The following PRDM5 variants were observed in gnomAD, a reference collection of about 807,000 sequenced individuals.
PRDM5 encodes PR domain zinc finger protein 5.
Under a neutral mutation model 81.2 loss-of-function variants are expected in PRDM5, and 56 were observed. The ratio of observed to expected loss-of-function variants is 0.69; its 90% confidence interval spans 0.56 to 0.86. PRDM5 has a LOEUF of 0.86. PRDM5 is among the 40% of genes least tolerant of loss of function. PRDM5 has a pLI of 0.00. For missense variants in PRDM5, 697 were observed against 770.1 expected (o/e 0.91, Z 1.12); for synonymous variants, 267 against 256.4 (o/e 1.04, Z -0.39).
At chr4:120,882,706 CTG>C (rs1326739772) in intron 2 of PRDM5, among the ~76,000 whole-genome samples, 2 of 152,126 alleles carry the variant, frequency 1.3e-5, no homozygotes, top group African/African-American at 2.4e-5. Flanking sequence ...ATCATGTTGT[CTG>C]TATGAAATAT....
At chr4:120,848,203 A>C (rs1026873459) in intron 3 of PRDM5, among the ~76,000 whole-genome samples, 1 of 152,190 alleles carries the variant, frequency 6.6e-6, no homozygotes, top group Non-Finnish European at 1.5e-5. Context: ...GAACATAAAA[A>C]AATCAAGGGA....
intron 2 of PRDM5, among the ~76,000 whole-genome samples, chr4:120,881,295 T>C (rs1017836543): frequency 1.3e-5 from 2 of 152,182 alleles, no homozygotes; most frequent in African/African-American, 2.4e-5. Flanking sequence ...AAAACTCTTC[T>C]GCAACTCAAT....
At chr4:120,733,959 A>T (rs1740662674) in intron 14 of PRDM5, among the ~76,000 whole-genome samples, 1 of 151,792 alleles carries the variant, frequency 6.6e-6, no homozygotes, top group Non-Finnish European at 1.5e-5. Context: ...TGCCGATGGC[A>T]GAGGTGGCAG....
downstream of PRDM5, among the ~76,000 whole-genome samples, chr4:120,690,353 C>T (rs1733993153): frequency 1.3e-5 from 2 of 151,990 alleles, no homozygotes; most frequent in South Asian, 4.1e-4. Flanking sequence ...TGAGAAGGGC[C>T]TCCAATACAA....
intron 14 of PRDM5, among the ~76,000 whole-genome samples, chr4:120,753,202 G>A (rs1279531124): frequency 6.6e-6 from 1 of 152,110 alleles, no homozygotes; most frequent in Non-Finnish European, 1.5e-5. Flanking sequence ...TGATACATCT[G>A]TGACAACTGC....
intron 2 of PRDM5, among the ~76,000 whole-genome samples, chr4:120,900,412 G>A (rs773816742): frequency 4.0e-4 from 61 of 152,278 alleles, no homozygotes; most frequent in Non-Finnish European, 5.7e-4. Context: ...TAAATGTCAA[G>A]GAAGTAGATG....
intron 8 of PRDM5, among the ~76,000 whole-genome samples, chr4:120,805,374 G>A (rs1349763473): frequency 6.6e-6 from 1 of 152,078 alleles, no homozygotes; most frequent in African/African-American, 2.4e-5. Flanking sequence ...ATCCTGATAC[G>A]AAAGCCTGGC....
rs182206601 is a variant in PRDM5 at position 120,754,086 on chromosome 4, A to G, written c.1623+467T>C. On this transcript the variant is annotated intron_variant, in intron 14 of 15. Transcript: ENST00000264808. ...ACTAGGCATGCCCTGTGAAGCACTG[A>G]GCTACACTTCCTTATTTTCCACCTG... Among the ~76,000 whole-genome samples the G allele has an allele frequency of 3.7e-3, 563 of 152,290 alleles. 2 individuals carry two copies. Among genetic ancestry groups the G allele is most frequent in the Non-Finnish European group, 5.8e-3 (397 of 68,016 alleles).
At chr4:120,809,226 C>T (rs1404850090) in intron 8 of PRDM5, among the ~76,000 whole-genome samples, 1 of 147,626 alleles carries the variant, frequency 6.8e-6, no homozygotes, top group East Asian at 2.0e-4. Flanking sequence ...GGGAACATCA[C>T]ACACCAGGGC....
intron 15 of PRDM5, among the ~76,000 whole-genome samples, chr4:120,698,278 CCCT>C: frequency 6.6e-6 from 1 of 152,136 alleles, no homozygotes; most frequent in Non-Finnish European, 1.5e-5. Context: ...CACTTTTGAG[CCCT>C]CATTTAACAT....
At chr4:120,719,579 C>A (rs891006197) in intron 14 of PRDM5, among the ~76,000 whole-genome samples, 4 of 152,090 alleles carry the variant, frequency 2.6e-5, no homozygotes, top group Non-Finnish European at 5.9e-5. Flanking sequence ...TCTAGATGAA[C>A]AAATTCTACA....
intron 2 of PRDM5, among the ~76,000 whole-genome samples, chr4:120,891,762 T>C (rs926992783): frequency 7.2e-5 from 11 of 152,116 alleles, no homozygotes; most frequent in Non-Finnish European, 1.5e-4. Flanking sequence ...CCCAAATACC[T>C]GGGATTACAG....
rs558764661 is a variant in PRDM5 at position 120,763,747 on chromosome 4, A to G, written c.1538-9109T>C. 2.0e-5 allele frequency among the ~76,000 whole-genome samples: 3 copies of G among 152,272 alleles called. No homozygotes were observed. The East Asian group carries it at 5.8e-4, about 29-fold the overall frequency. On this transcript the variant is annotated intron_variant, in intron 13 of 15. Transcript: ENST00000264808. The stretch of plus-strand genomic sequence containing the variant: ...TTCTACCAAAGTTTTATTTAACCCA[A>G]TATTTATGAGTATAGTTGGTGAACC...
At chr4:120,752,682 C>A (rs541829146) in intron 14 of PRDM5, among the ~76,000 whole-genome samples, 1 of 152,094 alleles carries the variant, frequency 6.6e-6, no homozygotes, top group Admixed American at 6.5e-5. Flanking sequence ...AGAAAATATT[C>A]AATTAAATAA....
At chr4:120,796,561 C>T (rs1751378999) in intron 10 of PRDM5, among the ~76,000 whole-genome samples, 1 of 152,150 alleles carries the variant, frequency 6.6e-6, no homozygotes, top group Non-Finnish European at 1.5e-5. Flanking sequence ...TAAACAGGAA[C>T]TAGCCAGATA....
At chr4:120,716,914 A>G (rs1416475601) in intron 14 of PRDM5, among the ~76,000 whole-genome samples, 1 of 152,120 alleles carries the variant, frequency 6.6e-6, no homozygotes, top group Admixed American at 6.5e-5. Flanking sequence ...CTCCCTTACT[A>G]ATTTCTTTTC....
intron 11 of PRDM5, among the ~76,000 whole-genome samples, chr4:120,783,320 C>G (rs890350246): frequency 2.0e-5 from 3 of 152,002 alleles, no homozygotes; most frequent in Non-Finnish European, 4.4e-5. Context: ...CCAAATGTCA[C>G]GATGCATCTT....
At chr4:120,701,220 T>C (rs1306614887) in intron 15 of PRDM5, among the ~76,000 whole-genome samples, 2 of 149,488 alleles carry the variant, frequency 1.3e-5, no homozygotes, top group African/African-American at 4.9e-5. Flanking sequence ...GCTTATACAC[T>C]GTTGGAGGGA....
intron 15 of PRDM5, among the ~76,000 whole-genome samples, chr4:120,697,310 C>T (rs574948863): frequency 1.3e-4 from 20 of 152,152 alleles, no homozygotes; most frequent in Admixed American, 3.9e-4. Context: ...CTTGGATAGA[C>T]AGAGAGAGAG....
Sources: allele counts gnomAD v4.1 joint callset (sites outside exome capture counted in the v4.1 genomes callset), GRCh38; gene constraint gnomAD v4.1.1; transcripts MANE v1.5; gene names NCBI Gene and HGNC (gene_info 2026-07-23, HGNC 2026-07-21).